PPARA: variants seen among roughly 807,000 people sequenced by gnomAD.
PPARA encodes the protein peroxisome proliferator-activated receptor alpha.
PPARA carries 22 observed loss-of-function variants against 42.2 expected under a neutral mutation model. That is an observed-to-expected ratio of 0.52 (90% CI 0.37 to 0.74). The LOEUF (loss-of-function observed/expected upper bound fraction) is 0.74. Ranked by LOEUF, PPARA falls within the 30% of genes least tolerant of loss-of-function variation. The pLI, the probability that PPARA is intolerant of heterozygous loss-of-function variation, is 0.00. For missense variants in PPARA, 465 were observed against 608.2 expected, an observed-to-expected ratio of 0.76 and a Z score of 2.48; for synonymous variants, 242 against 239.3, an observed-to-expected ratio of 1.01 and a Z score of -0.10.
chr22:46,225,606 TC>T lies in PPARA; in HGVS notation c.711+5594del, dbSNP rs1935356487. On this transcript the variant is annotated intron_variant, in intron 7 of 8. Coordinates refer to ENST00000407236, the MANE Select transcript of PPARA (RefSeq NM_005036.6). This position sits in a 1 kb window ranked among gnomAD's most constrained non-coding sequence, Gnocchi z 4.1. ...ACACACATGCACCCACAGTCACACA[TC>T]CATGCATGCATGTGTACACAAACAC... Among the ~76,000 whole-genome samples, 1 of 135,734 alleles carries T rather than the reference TC, an allele frequency of 7.4e-6. No individual in the cohort carries two copies. Among genetic ancestry groups the T allele is most frequent in the African/African-American group, 2.8e-5 (1 of 35,628 alleles). The allele number at this position is 135,734 out of a possible 152,430, so 89.0% of individuals were successfully genotyped here. A position where few individuals can be genotyped will look rare whatever the true frequency, so the allele number is the denominator to read the frequency against.
intron 7 of PPARA, among the ~76,000 whole-genome samples, chr22:46,228,653 A>C (rs2147670690): frequency 6.6e-6 from 1 of 152,276 alleles, no homozygotes; most frequent in East Asian, 1.9e-4. Flanking sequence ...AAATAACACC[A>C]AGCATTCTGT....
chr22:46,159,502 T>G (rs1048913786), intron 2 of PPARA, among the ~76,000 whole-genome samples: 1 of 152,160 alleles, frequency 6.6e-6, no homozygotes, highest in Admixed American at 6.6e-5. Flanking sequence ...ACGGCTTCCC[T>G]GTGATTCACA....
At chr22:46,228,484 C>G (rs188820944) in intron 7 of PPARA, among the ~76,000 whole-genome samples, 20 of 152,166 alleles carry the variant, frequency 1.3e-4, no homozygotes, top group African/African-American at 4.6e-4. Flanking sequence ...TGCAGTGAGT[C>G]GAGATCACGC....
intron 2 of PPARA, 99 bp downstream of exon 2, chr22:46,152,069 T>C (rs1924516580): frequency 6.6e-6 from 1 of 152,194 alleles, no homozygotes; most frequent in Admixed American, 6.5e-5. Context: ...TGGGGGTTAT[T>C]ACTTTGTGAT....
rs957292137 is a variant in PPARA at position 46,173,395 on chromosome 22, C to T, written c.-126-3358C>T. 3.3e-5 allele frequency among the ~76,000 whole-genome samples: 5 copies of T among 152,182 alleles called. No homozygotes were observed. The highest frequency in any genetic ancestry group is 1.2e-4 in the African/African-American group (5 of 41,444). ...GAGAGGCTGGGAGCCTATTTAAGCA[C>T]CCAGCTTCAGGATGGGACATGGGAT... On this transcript the variant is annotated intron_variant, in intron 2 of 8. Transcript: ENST00000407236. This position sits in a 1 kb window ranked among gnomAD's most constrained non-coding sequence, Gnocchi z 4.3.
Position 46,219,701 on chromosome 22 carries a change from C to A in PPARA, c.509-111C>A. ...AGTAATGAAGGATGGGTCTGAACTG[C>A]CTGTGAATTTTCATTCCTGGTTTAA... On this transcript the variant is annotated intron_variant, in intron 6 of 8. Coordinates refer to ENST00000407236, the MANE Select transcript of PPARA (RefSeq NM_005036.6). The surrounding 1 kb of genome is among the most constrained non-coding windows in gnomAD (Gnocchi z 4.8). 9.4e-7 allele frequency: 1 copy of A among 1,064,648 alleles called. No homozygotes were observed. Among genetic ancestry groups the A allele is most frequent in the Non-Finnish European group, 1.4e-6 (1 of 696,224 alleles). 66.0% of individuals were successfully genotyped at this position (1,064,648 alleles called of 1,614,324 possible). A position where few individuals can be genotyped will look rare whatever the true frequency, so the allele number is the denominator to read the frequency against.
intron 4 of PPARA, among the ~76,000 whole-genome samples, chr22:46,214,104 A>T (rs897437131): frequency 3.3e-5 from 5 of 152,204 alleles, no homozygotes; most frequent in African/African-American, 1.2e-4. Flanking sequence ...TTTATACTGT[A>T]TTCTGGTGCC....
intron 7 of PPARA, among the ~76,000 whole-genome samples, chr22:46,223,872 C>A (rs1935192870): frequency 6.6e-6 from 1 of 150,700 alleles, no homozygotes; most frequent in South Asian, 2.1e-4. Context: ...ATGGCGTGAA[C>A]CTGGGAGGTG....
At chr22:46,229,594 A>G (rs1262023009) in intron 7 of PPARA, among the ~76,000 whole-genome samples, 1 of 152,178 alleles carries the variant, frequency 6.6e-6, no homozygotes, top group Non-Finnish European at 1.5e-5. Flanking sequence ...CCTCCTAGAA[A>G]TGTTAATTCC....
chr22:46,168,351 C>CAAAAAAAAAAAAAAAA (rs35345592), intron 2 of PPARA, among the ~76,000 whole-genome samples: 6 of 14,382 alleles, frequency 4.2e-4, no homozygotes, highest in South Asian at 5.4e-3. Context: ...GACTCCATCT[C>CAAAAAAAAAAAAAAAA]AAAAAAAAAA....
chr22:46,226,925 T>G (rs1041469950), intron 7 of PPARA, among the ~76,000 whole-genome samples: 1 of 152,134 alleles, frequency 6.6e-6, no homozygotes, highest in African/African-American at 2.4e-5. Context: ...GACATGCAGC[T>G]GAACATGGTT....
chr22:46,189,179 C>A (rs990225032), intron 3 of PPARA, among the ~76,000 whole-genome samples: 2 of 152,246 alleles, frequency 1.3e-5, no homozygotes, highest in Non-Finnish European at 2.9e-5. Context: ...TCCAAACTTG[C>A]AGCTTTTCTT....
chr22:46,203,343 G>T lies in PPARA; in HGVS notation c.208+4752G>T, dbSNP rs1932944308. On this transcript the variant is annotated intron_variant, in intron 4 of 8. Transcript: ENST00000407236. This position sits in a 1 kb window ranked among gnomAD's most constrained non-coding sequence, Gnocchi z 5.8. ...GCAGTACTTTAAACTTTACACCCAG[G>T]AGACCGGATGGGTGAGGCTGGTTCA... 6.6e-6 allele frequency among the ~76,000 whole-genome samples: 1 copy of T among 152,152 alleles called. No homozygotes were observed. Among genetic ancestry groups the T allele is most frequent in the Non-Finnish European group, 1.5e-5 (1 of 68,028 alleles).
At chr22:46,215,390 C>T in intron 5 of PPARA, 57 bp downstream of exon 5, 1 of 1,605,364 alleles carries the variant, frequency 6.2e-7, no homozygotes, top group Non-Finnish European at 8.5e-7. Flanking sequence ...CTTATGGTCA[C>T]TTTTATAGCA....
rs555186548 is a variant in PPARA at position 46,211,113 on chromosome 22, A to C, written c.209-4060A>C. Among the ~76,000 whole-genome samples, 56 of 152,334 alleles carry C rather than the reference A, an allele frequency of 3.7e-4. No homozygotes were observed. The highest frequency in any genetic ancestry group is 1.3e-3 in the African/African-American group (52 of 41,580). On this transcript the variant is annotated intron_variant, in intron 4 of 8. Transcript: ENST00000407236. The surrounding 1 kb of genome is among the most constrained non-coding windows in gnomAD (Gnocchi z 4.1). The stretch of plus-strand genomic sequence containing the variant: ...TCCCTTTTTCAGGCTCTCAGCTGGC[A>C]GAGCAAATACATATATGTATACATA...
chr22:46,240,836 G>T lies in PPARA; in HGVS notation c.*5456G>T, dbSNP rs995603203. 1 of 152,184 alleles carries T rather than the reference G, an allele frequency of 6.6e-6. No homozygotes were observed. The highest frequency in any genetic ancestry group is 2.4e-5 in the African/African-American group (1 of 41,432). The allele number at this position is 152,184 out of a possible 1,614,324, so 9.4% of individuals were successfully genotyped here. A position where few individuals can be genotyped will look rare whatever the true frequency, so the allele number is the denominator to read the frequency against. On this transcript the variant is annotated 3_prime_UTR_variant, in exon 9 of 9. Coordinates refer to ENST00000407236, the MANE Select transcript of PPARA (RefSeq NM_005036.6). This position sits in a 1 kb window ranked among gnomAD's most constrained non-coding sequence, Gnocchi z 6.0. ...TTCTTACCAACCAAATATTTGCATC[G>T]AGCAAAGGGGGCTGTGTGCACCTCC...
At chr22:46,175,101 G>A (rs774054363) in intron 2 of PPARA, among the ~76,000 whole-genome samples, 4 of 151,884 alleles carry the variant, frequency 2.6e-5, no homozygotes, top group Non-Finnish European at 4.4e-5. Context: ...TAGAGATGGG[G>A]TTTCACCTTG....
Position 46,211,035 on chromosome 22 carries a change from A to C in PPARA, c.209-4138A>C, listed in dbSNP as rs1307291886. On this transcript the variant is annotated intron_variant, in intron 4 of 8. Coordinates refer to ENST00000407236, the MANE Select transcript of PPARA (RefSeq NM_005036.6). This position sits in a 1 kb window ranked among gnomAD's most constrained non-coding sequence, Gnocchi z 4.1. Reference sequence around the variant, plus strand: ...CGAGAGCAGGACTATATCCAGCTCCATGTGGGCCCCAGGCAGCGTTCACTA... The same window carrying C: ...CGAGAGCAGGACTATATCCAGCTCCCTGTGGGCCCCAGGCAGCGTTCACTA... 6.6e-6 allele frequency among the ~76,000 whole-genome samples: 1 copy of C among 152,172 alleles called. No homozygotes were observed. Among genetic ancestry groups the C allele is most frequent in the Admixed American group, 6.6e-5 (1 of 15,258 alleles).
At chr22:46,228,309 T>C (rs1935613456) in intron 7 of PPARA, among the ~76,000 whole-genome samples, 1 of 151,878 alleles carries the variant, frequency 6.6e-6, no homozygotes, top group Non-Finnish European at 1.5e-5. Flanking sequence ...CTGAAGCGGG[T>C]GGATCACCTG....
Sources: allele counts gnomAD v4.1 joint callset (sites outside exome capture counted in the v4.1 genomes callset), GRCh38; gene constraint gnomAD v4.1.1; non-coding constraint Gnocchi (gnomAD v3.1); transcripts MANE v1.5; gene names NCBI Gene and HGNC (gene_info 2026-07-23, HGNC 2026-07-21).